The following SEMA3A variants were observed in gnomAD, a reference collection of about 807,000 sequenced individuals.
The protein encoded by SEMA3A is semaphorin-3A.
SEMA3A carries 29 observed loss-of-function variants against 97.9 expected under a neutral mutation model. The ratio of observed to expected loss-of-function variants is 0.30; its 90% CI spans 0.22 to 0.40. The LOEUF is 0.40. SEMA3A is among the 10% of genes least tolerant of loss of function. The probability of loss-of-function intolerance (pLI) is 1.00; values close to 1 mark genes in which losing one functional copy is unlikely to be tolerated. For missense variants in SEMA3A, 763 were observed against 951.3 expected, an observed-to-expected ratio of 0.80 and a Z score of 2.60; for synonymous variants, 321 against 323.7, an observed-to-expected ratio of 0.99 and a Z score of 0.09.
At chr7:84,082,705 A>G (rs1013429390) in intron 4 of SEMA3A, among the ~76,000 whole-genome samples, 1 of 152,106 alleles carries the variant, frequency 6.6e-6, no homozygotes, top group Admixed American at 6.5e-5. Context: ...AATATCTACA[A>G]GCAAAGTCAA....
intron 2 of SEMA3A, among the ~76,000 whole-genome samples, chr7:84,334,663 C>A (rs573897106): frequency 2.4e-4 from 36 of 151,488 alleles, no homozygotes; most frequent in South Asian, 2.1e-3. Flanking sequence ...TGGTCACCCC[C>A]ATGTTCTTTT....
At chr7:84,138,717 C>T (rs1193055546) in intron 1 of SEMA3A, among the ~76,000 whole-genome samples, 4 of 152,066 alleles carry the variant, frequency 2.6e-5, no homozygotes, top group African/African-American at 9.7e-5. Context: ...TCCTTTCACT[C>T]CAAATCCTTT....
chr7:84,410,987 C>T (rs1804249595), intron 1 of SEMA3A, among the ~76,000 whole-genome samples: 1 of 152,028 alleles, frequency 6.6e-6, no homozygotes, highest in Non-Finnish European at 1.5e-5. Context: ...TATTCCACTC[C>T]AAATCTGAAG....
chr7:84,044,257 G>C (rs1345145442), intron 6 of SEMA3A, among the ~76,000 whole-genome samples: 3 of 151,814 alleles, frequency 2.0e-5, no homozygotes, highest in Non-Finnish European at 4.4e-5. Flanking sequence ...TATTCCCCTG[G>C]GTTTTTGGAG....
chr7:84,376,850 T>TTATGTATG lies in SEMA3A; in HGVS notation c.-245-4958_-245-4951dup, dbSNP rs144265483. 5.2e-3 allele frequency among the ~76,000 whole-genome samples: 789 copies of TTATGTATG among 151,382 alleles called. 3 individuals are homozygous for TTATGTATG. The highest frequency in any genetic ancestry group is 0.012 in the African/African-American group (515 of 41,280). ...TGCATATTTTTAATCAGATTTATTTTTATGTATGTATGTATGTATGTATGT... is the reference window on the plus strand; with the variant it reads ...TGCATATTTTTAATCAGATTTATTTTTATGTATGTATGTATGTATGTATGTATGTATGT... On this transcript the variant is annotated intron_variant, in intron 1 of 3. Coordinates refer to the SEMA3A transcript ENST00000424555.
At chr7:84,434,987 A>G (rs1482912132) in intron 1 of SEMA3A, among the ~76,000 whole-genome samples, 1 of 152,200 alleles carries the variant, frequency 6.6e-6, no homozygotes, top group Admixed American at 6.5e-5. Flanking sequence ...TATTTAACAT[A>G]GTACTGAAAG....
At chr7:83,999,244 T>C (rs1790340799) in intron 12 of SEMA3A, among the ~76,000 whole-genome samples, 2 of 152,140 alleles carry the variant, frequency 1.3e-5, no homozygotes, top group South Asian at 2.1e-4. Flanking sequence ...CATAATTTTG[T>C]TAAAAGTTAT....
chr7:84,174,643 G>A (rs1797504206), intron 1 of SEMA3A, among the ~76,000 whole-genome samples: 1 of 152,054 alleles, frequency 6.6e-6, no homozygotes, highest in African/African-American at 2.4e-5. Context: ...ATGTACTACT[G>A]GAGAGCTATA....
intron 1 of SEMA3A, among the ~76,000 whole-genome samples, chr7:84,159,061 G>A (rs1222935407): frequency 6.6e-6 from 1 of 151,486 alleles, no homozygotes; most frequent in Non-Finnish European, 1.5e-5. Flanking sequence ...TGCTGGCCCT[G>A]ATAAATTCAT....
chr7:84,226,514 A>G lies in SEMA3A; in HGVS notation c.-82-31846T>C, dbSNP rs1181594325. Among the ~76,000 whole-genome samples, 7 of 152,218 alleles carry G rather than the reference A, an allele frequency of 4.6e-5. No individual in the cohort carries two copies. In the South Asian group the frequency reaches 1.0e-3, roughly 23 times the overall value. On this transcript the variant is annotated intron_variant, in intron 3 of 3. Coordinates refer to the SEMA3A transcript ENST00000424555. The stretch of plus-strand genomic sequence containing the variant: ...AAAAATCATATCTATAACTTTTTCA[A>G]TGTAGTTTGTTACCCACGAGAGTAA...
At chr7:84,186,380 G>T (rs1797885443) in intron 1 of SEMA3A, among the ~76,000 whole-genome samples, 1 of 152,086 alleles carries the variant, frequency 6.6e-6, no homozygotes, top group African/African-American at 2.4e-5. Context: ...GTTAATAATG[G>T]TGCTTTTGTA....
intron 3 of SEMA3A, among the ~76,000 whole-genome samples, chr7:84,215,342 C>T (rs1269116791): frequency 1.3e-5 from 2 of 151,280 alleles, no homozygotes; most frequent in Admixed American, 6.6e-5. Context: ...CCTGCTACCA[C>T]ACCCAGCTAA....
intron 6 of SEMA3A, among the ~76,000 whole-genome samples, chr7:84,031,557 G>A (rs551062332): frequency 8.5e-4 from 129 of 152,226 alleles, no homozygotes; most frequent in African/African-American, 3.0e-3. Flanking sequence ...GTCCTGGCTG[G>A]GTGCGGTGGC....
intron 6 of SEMA3A, among the ~76,000 whole-genome samples, chr7:84,043,400 A>G (rs76633062): frequency 0.13 from 20,511 of 152,074 alleles, 1,686 homozygotes; most frequent in East Asian, 0.37. Flanking sequence ...TTTCCTTACC[A>G]GGAACAAAAA....
chr7:83,972,139 TATTTTA>T (rs1240634423), intron 15 of SEMA3A, among the ~76,000 whole-genome samples: 2 of 152,000 alleles, frequency 1.3e-5, no homozygotes, highest in Non-Finnish European at 1.5e-5. Flanking sequence ...AGGGCCAATA[TATTTTA>T]ATTTTATTAT....
intron 1 of SEMA3A, among the ~76,000 whole-genome samples, chr7:84,187,719 T>C (rs1352609012): frequency 6.6e-6 from 1 of 152,154 alleles, no homozygotes; most frequent in African/African-American, 2.4e-5. Context: ...TAAATTTTCA[T>C]TCTTATTATT....
intron 4 of SEMA3A, among the ~76,000 whole-genome samples, chr7:84,071,484 G>A (rs1793737377): frequency 6.6e-6 from 1 of 151,982 alleles, no homozygotes; most frequent in Admixed American, 6.6e-5. Flanking sequence ...TTTAATGGCA[G>A]GACAGATGAA....
At chr7:84,422,069 T>C (rs1804610506) in intron 1 of SEMA3A, among the ~76,000 whole-genome samples, 4 of 152,118 alleles carry the variant, frequency 2.6e-5, no homozygotes, top group Admixed American at 2.6e-4. Flanking sequence ...TTTTATTGAT[T>C]GTAATACTTT....
chr7:84,107,077 G>A (rs1795131134), intron 4 of SEMA3A, among the ~76,000 whole-genome samples: 1 of 152,140 alleles, frequency 6.6e-6, no homozygotes, highest in Admixed American at 6.5e-5. Context: ...GAGAACAAAA[G>A]TTCATATATT....
Sources: allele counts gnomAD v4.1 joint callset (sites outside exome capture counted in the v4.1 genomes callset), GRCh38; gene constraint gnomAD v4.1.1; transcripts MANE v1.5; gene names NCBI Gene and HGNC (gene_info 2026-07-23, HGNC 2026-07-21).